The following DDC variants were observed in gnomAD, a reference collection of about 807,000 sequenced individuals.
The protein encoded by DDC is aromatic-L-amino-acid decarboxylase.
Under a neutral mutation model 60.0 loss-of-function variants are expected in DDC, and 43 were observed. The ratio of observed to expected loss-of-function variants is 0.72; its 90% CI spans 0.56 to 0.92. The LOEUF (loss-of-function observed/expected upper bound fraction) is 0.92, where lower values mean the gene tolerates loss of function less well. Among genes scored for constraint, DDC ranks in the 40% least tolerant of loss-of-function variants. The pLI, the probability that DDC is intolerant of heterozygous loss-of-function variation, is 0.00. For missense variants in DDC, 573 were observed against 620.2 expected (o/e 0.92, Z 0.81); for synonymous variants, 232 against 234.6 (o/e 0.99, Z 0.10).
chr7:50,504,147 CAA>C, intron 6 of DDC, 88 bp from the exon 7 acceptor site: 1 of 899,242 alleles, frequency 1.1e-6, no homozygotes, highest in Non-Finnish European at 1.9e-6. Flanking sequence ...CCCCATGGTC[CAA>C]CCTGGGGCCA....
chr7:50,534,468 G>A (rs995191590), intron 4 of DDC, among the ~76,000 whole-genome samples: 2 of 152,300 alleles, frequency 1.3e-5, no homozygotes, highest in Non-Finnish European at 2.9e-5. Flanking sequence ...ATGGTGATGG[G>A]TGCCTTGTAA....
intron 1 of DDC, among the ~76,000 whole-genome samples, chr7:50,563,509 G>A (rs567329802): frequency 1.8e-4 from 28 of 152,180 alleles, no homozygotes; most frequent in African/African-American, 6.7e-4. Flanking sequence ...CTCCATAGTT[G>A]AACCAAGATT....
intron 1 of DDC, among the ~76,000 whole-genome samples, chr7:50,546,791 G>A (rs1231672326): frequency 6.6e-6 from 1 of 152,242 alleles, no homozygotes; most frequent in Non-Finnish European, 1.5e-5. Context: ...TTGAGTGGCA[G>A]TGATTGAGAC....
At chr7:50,561,815 A>C (rs748288993) in intron 1 of DDC, among the ~76,000 whole-genome samples, 3 of 152,184 alleles carry the variant, frequency 2.0e-5, no homozygotes, top group Non-Finnish European at 2.9e-5. Flanking sequence ...GTCCACTCAG[A>C]TGACGAGCAG....
chr7:50,531,327 T>C (rs1247669940), intron 4 of DDC, among the ~76,000 whole-genome samples: 1 of 152,102 alleles, frequency 6.6e-6, no homozygotes, highest in Non-Finnish European at 1.5e-5. Flanking sequence ...TGTCCCCCTA[T>C]CTGCCCCCAC....
At chr7:50,537,447 TA>T (rs1748154485) in intron 4 of DDC, among the ~76,000 whole-genome samples, 1 of 152,174 alleles carries the variant, frequency 6.6e-6, no homozygotes, top group Non-Finnish European at 1.5e-5. Flanking sequence ...TCTTCACTTG[TA>T]AAAAGGGGTA....
At chr7:50,507,387 C>T (rs1290427651) in intron 6 of DDC, among the ~76,000 whole-genome samples, 2 of 152,032 alleles carry the variant, frequency 1.3e-5, no homozygotes, top group African/African-American at 4.8e-5. Flanking sequence ...ACAGGCACCA[C>T]ATCCAGCTAA....
chr7:50,544,103 A>G lies in DDC; in HGVS notation c.-18T>C. On this transcript the variant is annotated 5_prime_UTR_variant, in exon 2 of 15. Transcript: ENST00000444124. ...GCGTTCATGGTGTCTGGGCTCTGTCAGAGGTGAAAACTGCAGAAAGAAAAT... is the reference window on the plus strand; with the variant it reads ...GCGTTCATGGTGTCTGGGCTCTGTCGGAGGTGAAAACTGCAGAAAGAAAAT... 2 of 1,613,030 alleles carry G rather than the reference A, an allele frequency of 1.2e-6. No homozygotes were observed. Among genetic ancestry groups the G allele is most frequent in the Non-Finnish European group, 1.7e-6 (2 of 1,179,026 alleles).
chr7:50,520,561 G>A (rs181478335), intron 6 of DDC, among the ~76,000 whole-genome samples: 259 of 152,244 alleles, frequency 1.7e-3, no homozygotes, highest in Non-Finnish European at 2.1e-3. Flanking sequence ...AGAAAAGAAG[G>A]GAAATCTAAA....
At chr7:50,541,156 G>A (rs933103631) in intron 2 of DDC, among the ~76,000 whole-genome samples, 3 of 152,206 alleles carry the variant, frequency 2.0e-5, no homozygotes, top group African/African-American at 2.4e-5. Flanking sequence ...GCCCTGTTCC[G>A]CATTGTCCCC....
intron 1 of DDC, among the ~76,000 whole-genome samples, chr7:50,544,768 T>A (rs956115967): frequency 6.6e-6 from 1 of 152,234 alleles, no homozygotes; most frequent in Non-Finnish European, 1.5e-5. Context: ...ACAGTTGCCA[T>A]GGCCATAAAC....
At chr7:50,504,174 A>G (rs1420401815) in intron 6 of DDC, 115 bp from the exon 7 acceptor site, 4 of 756,650 alleles carry the variant, frequency 5.3e-6, no homozygotes, top group Non-Finnish European at 9.6e-6. Flanking sequence ...CCGAGATCCC[A>G]ATGAATGTCT....
intron 13 of DDC, among the ~76,000 whole-genome samples, chr7:50,466,118 A>G (rs551707766): frequency 3.3e-5 from 5 of 152,198 alleles, no homozygotes; most frequent in Non-Finnish European, 7.3e-5. Flanking sequence ...CACTGACCCC[A>G]GCCTGCTCCT....
intron 10 of DDC, among the ~76,000 whole-genome samples, chr7:50,479,121 T>C (rs1054648696): frequency 1.3e-5 from 2 of 152,174 alleles, no homozygotes; most frequent in Non-Finnish European, 2.9e-5. Context: ...ACGACATAGG[T>C]GAAGTGCAAA....
At chr7:50,463,170 C>A in intron 14 of DDC, 43 bp downstream of exon 14, 1 of 1,509,252 alleles carries the variant, frequency 6.6e-7, no homozygotes, top group Non-Finnish European at 9.0e-7. Flanking sequence ...ACTCTTGCCA[C>A]GGGACAAGGA....
chr7:50,540,234 C>T, intron 2 of DDC: 1 of 577,116 alleles, frequency 1.7e-6, no homozygotes, highest in Non-Finnish European at 3.2e-6. Context: ...TCCCCACTCC[C>T]TTTAAACCAG....
At position 50,516,633 on chromosome 7, in the gene DDC, C is replaced by T. The variant is rs113748401; in HGVS notation, c.714+11504G>A. Among the ~76,000 whole-genome samples, 267 of 151,274 alleles carry T rather than the reference C, an allele frequency of 1.8e-3. 2 individuals carry two copies. Among genetic ancestry groups the T allele is most frequent in the African/African-American group, 6.1e-3 (252 of 41,288 alleles). Reference sequence around the variant, plus strand: ...AAAAAAATACAAAAGATAAATGAAACAAAAAGCTGATTTCTTTGAAAAGTT... The same window carrying T: ...AAAAAAATACAAAAGATAAATGAAATAAAAAGCTGATTTCTTTGAAAAGTT... On this transcript the variant is annotated intron_variant, in intron 6 of 14. Transcript: ENST00000444124.
At position 50,565,278 on chromosome 7, in the gene DDC, G is replaced by A. The variant is rs1382776659; in HGVS notation, c.-29+7C>T. ...CAATCTGAGTAGGTATAAAATCAGA[G>A]ACTTACATGCTGGAAATTCGAATTC... On this transcript the variant is annotated splice_region_variant and intron_variant, in intron 1 of 14. Coordinates refer to ENST00000444124, the MANE Select transcript of DDC (RefSeq NM_001082971.2). The A allele has an allele frequency of 6.6e-6, 1 of 152,230 alleles. No homozygotes were observed. The highest frequency in any genetic ancestry group is 2.4e-5 in the African/African-American group (1 of 41,450). The allele number at this position is 152,230 out of a possible 1,614,324, so 9.4% of individuals were successfully genotyped here.
chr7:50,532,051 C>CGAG (rs1037212796), intron 4 of DDC, among the ~76,000 whole-genome samples: 1 of 152,152 alleles, frequency 6.6e-6, no homozygotes, highest in African/African-American at 2.4e-5. Flanking sequence ...TCCAGCCTCA[C>CGAG]AACAACAGTT....
Sources: gnomAD v4.1 joint callset for allele counts (sites outside exome capture counted in the v4.1 genomes callset) on GRCh38, gnomAD v4.1.1 for gene constraint, MANE v1.5 for transcripts, NCBI Gene and HGNC (gene_info 2026-07-23, HGNC 2026-07-21) for gene names.